Variants in IQSEC1 observed in about 807,000 individuals in gnomAD.
The protein encoded by IQSEC1 is IQ motif and Sec7 domain ArfGEF 1, also known as IQ motif and SEC7 domain-containing protein 1.
In IQSEC1, 31 loss-of-function variants were observed where a neutral mutation model predicts 91.0. The observed-to-expected ratio is 0.34, with a 90% CI of 0.26 to 0.46. IQSEC1 has a LOEUF of 0.46. Ranked by LOEUF, IQSEC1 falls within the 20% of genes least tolerant of loss-of-function variation. IQSEC1 has a pLI of 1.00. For missense variants in IQSEC1, 1,388 were observed against 1,575.6 expected, an observed-to-expected ratio of 0.88 and a Z score of 2.02; for synonymous variants, 699 against 662.6, an observed-to-expected ratio of 1.05 and a Z score of -0.84.
chr3:12,949,351 AGAG>A (rs1699388978), intron 1 of IQSEC1, among the ~76,000 whole-genome samples: 1 of 152,246 alleles, frequency 6.6e-6, no homozygotes, highest in African/African-American at 2.4e-5. Flanking sequence ...CACCCTCTTC[AGAG>A]GGGGCCGGGC....
intron 2 of IQSEC1, among the ~76,000 whole-genome samples, chr3:13,144,993 T>C (rs1706864421): frequency 6.6e-6 from 1 of 152,140 alleles, no homozygotes. Context: ...CAGCGGCCAG[T>C]CCCGGGAGTG....
chr3:13,082,020 C>G (rs1705653888), intron 2 of IQSEC1, among the ~76,000 whole-genome samples: 1 of 152,196 alleles, frequency 6.6e-6, no homozygotes, highest in Admixed American at 6.5e-5. Context: ...GGGGTGCAGG[C>G]TGTGCACTAC....
At chr3:13,136,614 TCGGG>T (rs1706715193) in intron 2 of IQSEC1, among the ~76,000 whole-genome samples, 1 of 152,118 alleles carries the variant, frequency 6.6e-6, no homozygotes, top group Non-Finnish European at 1.5e-5. Flanking sequence ...CAAAGGCTAA[TCGGG>T]CATTTCCGAG....
chr3:12,937,599 T>A (rs546432296), intron 2 of IQSEC1, among the ~76,000 whole-genome samples: 2 of 152,352 alleles, frequency 1.3e-5, no homozygotes, highest in African/African-American at 4.8e-5. Flanking sequence ...ACTGAGCCCA[T>A]GCAGTTCCTC....
At chr3:13,098,430 A>C (rs571502417) in intron 2 of IQSEC1, among the ~76,000 whole-genome samples, 14 of 152,292 alleles carry the variant, frequency 9.2e-5, no homozygotes, top group Non-Finnish European at 1.6e-4. Context: ...TTGGGGGGAT[A>C]AGTAAAGAAA....
intron 2 of IQSEC1, among the ~76,000 whole-genome samples, chr3:13,137,631 G>T (rs576364191): frequency 2.0e-5 from 3 of 152,300 alleles, no homozygotes; most frequent in African/African-American, 7.2e-5. Context: ...TTAAATGGTA[G>T]GCTCACAGAT....
chr3:13,194,310 G>T lies in IQSEC1; in HGVS notation c.273-30177C>A, dbSNP rs73134120. ...GGTGCTCACTCCGCAGCTGCCTCCCGGCTGGGCTGCAGGTTTATTCCCGTG... is the reference window on the plus strand; with the variant it reads ...GGTGCTCACTCCGCAGCTGCCTCCCTGCTGGGCTGCAGGTTTATTCCCGTG... On this transcript the variant is annotated intron_variant, in intron 1 of 15. Coordinates refer to the IQSEC1 transcript ENST00000648114. 1.9e-3 allele frequency among the ~76,000 whole-genome samples: 296 copies of T among 152,148 alleles called. 1 individual carries two copies. The highest frequency in any genetic ancestry group is 6.8e-3 in the African/African-American group (283 of 41,484).
intron 1 of IQSEC1, among the ~76,000 whole-genome samples, chr3:13,061,874 C>G (rs1453582306): frequency 3.3e-5 from 5 of 152,242 alleles, no homozygotes; most frequent in African/African-American, 1.2e-4. Context: ...CATGCTCCAG[C>G]TACAGGTGTG....
intron 1 of IQSEC1, among the ~76,000 whole-genome samples, chr3:13,196,629 T>C (rs1400848260): frequency 6.6e-6 from 1 of 152,240 alleles, no homozygotes; most frequent in East Asian, 1.9e-4. Context: ...TCTCCCTGCT[T>C]CTTTCCCAAT....
intron 2 of IQSEC1, among the ~76,000 whole-genome samples, chr3:13,155,121 T>C (rs1707064763): frequency 6.6e-6 from 1 of 151,948 alleles, no homozygotes; most frequent in African/African-American, 2.4e-5. Flanking sequence ...CAAAAGAAAA[T>C]AATAAAGATT....
chr3:13,038,686 T>C (rs1213812398), intron 1 of IQSEC1, among the ~76,000 whole-genome samples: 1 of 152,140 alleles, frequency 6.6e-6, no homozygotes, highest in Non-Finnish European at 1.5e-5. Context: ...GAAGGATAAA[T>C]GCTTGAGGGG....
intron 1 of IQSEC1, among the ~76,000 whole-genome samples, chr3:13,219,683 G>T (rs917656736): frequency 2.0e-5 from 3 of 152,256 alleles, no homozygotes; most frequent in African/African-American, 7.2e-5. Flanking sequence ...GCTTGCTGGG[G>T]CAGTGGCGCC....
intron 1 of IQSEC1, among the ~76,000 whole-genome samples, chr3:12,996,577 C>A (rs754492392): frequency 2.6e-5 from 4 of 151,910 alleles, no homozygotes; most frequent in Non-Finnish European, 5.9e-5. Context: ...TAAATGGAAT[C>A]AAAATACCAT....
At chr3:13,113,251 A>C (rs1706279870) in intron 2 of IQSEC1, among the ~76,000 whole-genome samples, 1 of 152,178 alleles carries the variant, frequency 6.6e-6, no homozygotes. Context: ...AAAAAGTGCT[A>C]GTCAGGAAGG....
intron 1 of IQSEC1, among the ~76,000 whole-genome samples, chr3:13,274,142 G>A (rs1481841473): frequency 5.3e-5 from 8 of 152,110 alleles, no homozygotes; most frequent in Non-Finnish European, 1.5e-5. Flanking sequence ...ATTCAGCCTC[G>A]GGCTGTTCAT....
At chr3:13,278,416 G>A (rs1695731060) in intron 1 of IQSEC1, among the ~76,000 whole-genome samples, 1 of 152,204 alleles carries the variant, frequency 6.6e-6, no homozygotes, top group Non-Finnish European at 1.5e-5. Context: ...ACGGCAGGGT[G>A]GAAACCTCCC....
chr3:12,903,273 A>G (rs575128243), intron 12 of IQSEC1, among the ~76,000 whole-genome samples: 29 of 152,296 alleles, frequency 1.9e-4, no homozygotes, highest in Middle Eastern at 3.4e-3. Flanking sequence ...TGATTGCCAT[A>G]TATATGTGTA....
At chr3:12,971,775 C>G (rs761984598) in intron 1 of IQSEC1, among the ~76,000 whole-genome samples, 4 of 152,114 alleles carry the variant, frequency 2.6e-5, no homozygotes, top group Non-Finnish European at 5.9e-5. Flanking sequence ...TTTTAAAAAC[C>G]CAGTTATGGG....
chr3:12,930,186 C>T (rs948984913), intron 3 of IQSEC1, among the ~76,000 whole-genome samples: 10 of 151,940 alleles, frequency 6.6e-5, no homozygotes, highest in Non-Finnish European at 1.3e-4. Context: ...AGGGTTCTCT[C>T]TCTCTCTTTT....
Sources: allele counts gnomAD v4.1 joint callset (sites outside exome capture counted in the v4.1 genomes callset), GRCh38; gene constraint gnomAD v4.1.1; transcripts MANE v1.5; gene names NCBI Gene and HGNC (gene_info 2026-07-23, HGNC 2026-07-21).